MMP20: variants seen among roughly 807,000 people sequenced by gnomAD.
MMP20 encodes matrix metalloproteinase-20.
A neutral mutation model predicts 51.8 loss-of-function variants in MMP20; 50 were observed. The ratio of observed to expected loss-of-function variants is 0.97; its 90% confidence interval spans 0.77 to 1.22. MMP20 has a LOEUF of 1.22. Among genes scored for constraint, MMP20 ranks in the 50% most tolerant of loss-of-function variants. The pLI is 0.00. For missense variants in MMP20, 663 were observed against 601.4 expected (o/e 1.10, Z -1.07); for synonymous variants, 244 against 216.2 (o/e 1.13, Z -1.13).
In MMP20 at chr11:102,606,538, TC is replaced by T; in HGVS notation, c.949del (p.Asp317ThrfsTer53). ...MLGKELLLFK[D>X]RIFWRRQVHL... is the part of the protein sequence containing the mutation. ...CGGTGGCGTGTCTGAGGCTTACCGGTCCTTGAAGAGCAGGAGCTCCTTCCCC... is the reference window on the plus strand; with the variant it reads ...CGGTGGCGTGTCTGAGGCTTACCGGTCTTGAAGAGCAGGAGCTCCTTCCCC... On this transcript the variant is annotated frameshift_variant, in exon 6 of 10. Coordinates refer to ENST00000260228, the MANE Select transcript of MMP20 (RefSeq NM_004771.4). LOFTEE classifies it high-confidence loss of function. 1 of 1,613,720 alleles carries T rather than the reference TC, an allele frequency of 6.2e-7. No homozygotes were observed. Among genetic ancestry groups the T allele is most frequent in the Non-Finnish European group, 8.5e-7 (1 of 1,179,750 alleles).
intron 1 of MMP20, among the ~76,000 whole-genome samples, chr11:102,623,266 C>A (rs147317183): frequency 3.3e-5 from 5 of 152,292 alleles, no homozygotes; most frequent in African/African-American, 9.6e-5. Context: ...CAGGGGTCCC[C>A]TGATCCTGGG....
chr11:102,611,765 A>G lies in MMP20; in HGVS notation c.513T>C (p.Phe171=), dbSNP rs755464573. The G allele has an allele frequency of 6.2e-7, 1 of 1,613,976 alleles. No individual in the cohort carries two copies. Among genetic ancestry groups the G allele is most frequent in the African/African-American group, 1.3e-5 (1 of 74,948 alleles). ...NSGEADIMIS[F]ENGDHGDSYP... ...CAAGTACCACAATACCTCCATTTTC[A>G]AAAGATATCATAATATCCGCTTCTC... The change falls in exon 3 of 10, where the codon TTT becomes TTC. Residue 171 remains phenylalanine, a synonymous_variant. Coordinates refer to ENST00000260228, the MANE Select transcript of MMP20 (RefSeq NM_004771.4).
At position 102,593,425 on chromosome 11, in the gene MMP20, G is replaced by T; in HGVS notation, c.1247+14C>A. ...TTAAATAAAGATAGATAGTAAAAAG[G>T]AAAAAAGCCATACCTGTAGTATTCA... On this transcript the variant is annotated intron_variant, in intron 8 of 9. Coordinates refer to ENST00000260228, the MANE Select transcript of MMP20 (RefSeq NM_004771.4). The T allele has an allele frequency of 1.9e-6, 3 of 1,612,048 alleles. No individual in the cohort carries two copies. In the South Asian group the frequency reaches 3.3e-5, roughly 18 times the overall value.
intron 8 of MMP20, among the ~76,000 whole-genome samples, chr11:102,592,157 G>C (rs1027233026): frequency 1.1e-4 from 17 of 152,168 alleles, no homozygotes; most frequent in African/African-American, 4.1e-4. Flanking sequence ...TGTGACTACA[G>C]CCACCTTATC....
At chr11:102,590,246 C>T (rs1255434268) in intron 8 of MMP20, among the ~76,000 whole-genome samples, 1 of 152,102 alleles carries the variant, frequency 6.6e-6, no homozygotes, top group Admixed American at 6.6e-5. Flanking sequence ...CTGATGGAAC[C>T]ATTAGGGCCT....
At chr11:102,610,489 T>A (rs1452401294) in intron 3 of MMP20, among the ~76,000 whole-genome samples, 2 of 152,332 alleles carry the variant, frequency 1.3e-5, no homozygotes, top group East Asian at 3.9e-4. Flanking sequence ...ATTGAACAAG[T>A]GTGTGCTTTC....
intron 6 of MMP20, chr11:102,605,126 A>C (rs949454325): frequency 1.3e-5 from 2 of 152,238 alleles, no homozygotes; most frequent in African/African-American, 2.4e-5. Flanking sequence ...TAGTGCACTT[A>C]TAAGAAGAGA....
At chr11:102,578,443 A>G (rs1859151906) in intron 9 of MMP20, among the ~76,000 whole-genome samples, 1 of 152,186 alleles carries the variant, frequency 6.6e-6, no homozygotes, top group Non-Finnish European at 1.5e-5. Flanking sequence ...AACCAAGACT[A>G]TGTGTATTTT....
intron 1 of MMP20, among the ~76,000 whole-genome samples, chr11:102,623,763 G>T (rs532634255): frequency 2.6e-5 from 4 of 152,322 alleles, no homozygotes; most frequent in African/African-American, 9.6e-5. Flanking sequence ...TAGAAGGGGG[G>T]TCTCCCAACA....
At chr11:102,611,682 TA>T in intron 3 of MMP20, 72 bp downstream of exon 3, 1 of 1,567,134 alleles carries the variant, frequency 6.4e-7, no homozygotes, top group Non-Finnish European at 8.7e-7. Context: ...TCACTCGAAT[TA>T]AAGATGTAGA....
rs75669247 is a variant in MMP20, at chr11:102,602,381, A to G, written c.953+4154T>C. Among the ~76,000 whole-genome samples the G allele has an allele frequency of 3.1e-3, 471 of 152,262 alleles. 6 individuals are homozygous for G. The highest frequency in any genetic ancestry group is 0.011 in the African/African-American group (451 of 41,546). On this transcript the variant is annotated intron_variant, in intron 6 of 9. Coordinates refer to ENST00000260228, the MANE Select transcript of MMP20 (RefSeq NM_004771.4). ...TCCTATTTTGGAAAAAAAAATGTGA[A>G]GAAACATATTAGACATCCTTGGGAA...
intron 9 of MMP20, among the ~76,000 whole-genome samples, 167 bp from the exon 10 acceptor site, chr11:102,577,593 G>C (rs1392380508): frequency 6.6e-6 from 1 of 152,192 alleles, no homozygotes. Context: ...CCTGACTCCT[G>C]AACTTCTCAG....
chr11:102,578,736 AAAAAAACAAAAAAC>A lies in MMP20; in HGVS notation c.1351+289_1351+302del, dbSNP rs147058509. Among the ~76,000 whole-genome samples, 49,105 of 150,606 alleles carry A rather than the reference AAAAAAACAAAAAAC, an allele frequency of 0.33. 9,455 individuals carry two copies. The highest frequency in any genetic ancestry group is 0.43 in the Middle Eastern group (127 of 292). On this transcript the variant is annotated intron_variant, in intron 9 of 9. Coordinates refer to ENST00000260228, the MANE Select transcript of MMP20 (RefSeq NM_004771.4). ...GGCCACAGAGCGAGACTCCGTCTCA[AAAAAAACAAAAAAC>A]AAAAAACAAAAAACAAAAACAAAAA...
At position 102,594,550 on chromosome 11, in the gene MMP20, G is replaced by A. The variant is rs7116339; in HGVS notation, c.1090+71C>T. 0.13 allele frequency: 212,893 copies of A among 1,589,392 alleles called. 15,305 individuals carry two copies. Among genetic ancestry groups the A allele is most frequent in the African/African-American group, 0.18 (13,304 of 74,432 alleles). On this transcript the variant is annotated intron_variant, in intron 7 of 9. Coordinates refer to ENST00000260228, the MANE Select transcript of MMP20 (RefSeq NM_004771.4). ...CATGATGACTGGAAAAATGCTGGCA[G>A]GGCTAGATATGCCAAATGAATGGGG...
At chr11:102,589,156 C>T (rs1028179673) in intron 8 of MMP20, among the ~76,000 whole-genome samples, 2 of 152,184 alleles carry the variant, frequency 1.3e-5, no homozygotes, top group Admixed American at 1.3e-4. Context: ...ATATTCTAGT[C>T]ATACTGAACT....
At chr11:102,621,562 C>T (rs1056561836) in intron 1 of MMP20, among the ~76,000 whole-genome samples, 9 of 152,316 alleles carry the variant, frequency 5.9e-5, no homozygotes, top group East Asian at 1.9e-4. Context: ...TGACAAAATA[C>T]TTTCAAATGC....
intron 8 of MMP20, among the ~76,000 whole-genome samples, chr11:102,580,797 G>A (rs185455255): frequency 9.2e-5 from 14 of 152,244 alleles, no homozygotes; most frequent in African/African-American, 2.9e-4. Flanking sequence ...ACAAAGAAAC[G>A]TTAACACCAA....
intron 1 of MMP20, among the ~76,000 whole-genome samples, chr11:102,617,326 T>C (rs1362627936): frequency 6.6e-6 from 1 of 152,230 alleles, no homozygotes; most frequent in African/African-American, 2.4e-5. Flanking sequence ...TACAATGCAA[T>C]GAATATAACA....
At chr11:102,624,644 G>C (rs1173322002) in intron 1 of MMP20, among the ~76,000 whole-genome samples, 2 of 151,994 alleles carry the variant, frequency 1.3e-5, no homozygotes, top group African/African-American at 4.8e-5. Context: ...TACTTCATTG[G>C]GGAATATGCT....
Sources: allele counts gnomAD v4.1 joint callset (sites outside exome capture counted in the v4.1 genomes callset), GRCh38; gene constraint gnomAD v4.1.1; transcripts MANE v1.5; gene names NCBI Gene and HGNC (gene_info 2026-07-23, HGNC 2026-07-21).